Variants in LPCAT1 observed in about 807,000 individuals in gnomAD.
LPCAT1 encodes 1-acylglycerol-3-phosphate O-acyltransferase.
LPCAT1 carries 23 observed loss-of-function variants against 60.9 expected under a neutral mutation model. The observed-to-expected ratio is 0.38, with a 90% confidence interval of 0.27 to 0.53. The LOEUF (loss-of-function observed/expected upper bound fraction) is 0.53. Ranked by LOEUF, LPCAT1 falls within the 20% of genes least tolerant of loss-of-function variation. LPCAT1 has a pLI of 0.82. For missense variants in LPCAT1, 622 were observed against 723.6 expected, an observed-to-expected ratio of 0.86 and a Z score of 1.61; for synonymous variants, 340 against 301.1, an observed-to-expected ratio of 1.13 and a Z score of -1.34.
intron 11 of LPCAT1, among the ~76,000 whole-genome samples, chr5:1,472,775 T>C (rs534817920): frequency 4.6e-5 from 7 of 152,090 alleles, no homozygotes; most frequent in Middle Eastern, 3.4e-3. Flanking sequence ...AGCTGCCTCG[T>C]AGTAGAGGGC....
intron 1 of LPCAT1, 113 bp from the exon 2 acceptor site, chr5:1,501,716 G>A: frequency 9.1e-7 from 1 of 1,100,056 alleles, no homozygotes; most frequent in Non-Finnish European, 1.3e-6. Flanking sequence ...GGAGAGCTGG[G>A]GAGGGGCTGC....
Position 1,501,485 on chromosome 5 carries a change from T to C in LPCAT1, c.254A>G (p.Glu85Gly), listed in dbSNP as rs1736004351. The C allele has an allele frequency of 1.2e-6, 2 of 1,613,208 alleles. No homozygotes were observed. The highest frequency in any genetic ancestry group is 4.5e-5 in the East Asian group (2 of 44,880). The change falls in exon 2 of 14, where the codon GAG (glutamate) becomes GGG (glycine). Residue 85 changes from glutamate (E) to glycine (G), a missense_variant. Physicochemically the swap from Glu to Gly is moderately conservative, Grantham distance 98 (BLOSUM62 -2). Around this residue, in one of 3 missense-constraint regions of LPCAT1, gnomAD observed 125 missense variants for 114.5 expected, o/e 1.09. Coordinates refer to ENST00000283415, the MANE Select transcript of LPCAT1 (RefSeq NM_024830.5). ...ASLGSAEKEP[E>G]QPPALWRKVV... ...CTTCCTCCACAGGGCCGGGGGCTGC[T>C]CGGGTTCCTTCTCCGCAGAGCCCAG...
At chr5:1,468,345 G>A (rs559462552) in intron 12 of LPCAT1, among the ~76,000 whole-genome samples, 64 of 152,360 alleles carry the variant, frequency 4.2e-4, no homozygotes, top group African/African-American at 1.5e-3. Flanking sequence ...CGTTGGTGCT[G>A]CTGGAGCCTC....
chr5:1,494,835 G>A lies in LPCAT1; in HGVS notation c.358C>T (p.Arg120Trp), dbSNP rs747860604. The A allele has an allele frequency of 5.0e-6, 8 of 1,613,580 alleles. No individual in the cohort carries two copies. In the Admixed American group the frequency reaches 5.0e-5, roughly 10 times the overall value. Residue 120 changes from arginine to tryptophan, a missense_variant, in exon 3 of 14, where the codon CGG becomes TGG. By Grantham distance (101) the Arg-to-Trp change is moderately radical. This residue lies in a region of LPCAT1 where 209 missense variants were observed against 325.5 expected (regional missense o/e 0.64). Transcript: ENST00000283415. ...GCCGCCTCGGTGGGCAGCGCCTGCC[G>A]CCCCTTCACGGCCACCCGGTGGAAG... ...GGFHRVAVKG[R>W]QALPTEAAIL...
rs1332969129 is a variant in LPCAT1 at position 1,483,776 on chromosome 5, T to C, written c.668-290A>G. Among the ~76,000 whole-genome samples, 1 of 150,496 alleles carries C rather than the reference T, an allele frequency of 6.6e-6. No homozygotes were observed. Among genetic ancestry groups the C allele is most frequent in the African/African-American group, 2.5e-5 (1 of 40,774 alleles). On this transcript the variant is annotated intron_variant, in intron 5 of 13. Coordinates refer to ENST00000283415, the MANE Select transcript of LPCAT1 (RefSeq NM_024830.5). The surrounding 1 kb of genome is among the most constrained non-coding windows in gnomAD (Gnocchi z 9.2). ...GGCGTCTGTGGAGGGACACTTGCTA[T>C]TATAACATTGCGCACGAGCTGGAAG...
Position 1,504,326 on chromosome 5 carries a change from C to T in LPCAT1, c.136-2723G>A, listed in dbSNP as rs553984300. Among the ~76,000 whole-genome samples the T allele has an allele frequency of 1.3e-4, 20 of 152,352 alleles. No individual in the cohort carries two copies. In the South Asian group the frequency reaches 3.9e-3, roughly 30 times the overall value. The stretch of plus-strand genomic sequence containing the variant: ...TGGAGGAGAGCGCAGCGGAGGAGAC[C>T]GTAGCCTCGGCCTTCAGCCCACCTG... On this transcript the variant is annotated intron_variant, in intron 1 of 13. Transcript: ENST00000283415.
rs955909887 is a variant in LPCAT1 at position 1,523,114 on chromosome 5, C to T, written c.135+596G>A. On this transcript the variant is annotated intron_variant, in intron 1 of 13. Coordinates refer to ENST00000283415, the MANE Select transcript of LPCAT1 (RefSeq NM_024830.5). The surrounding 1 kb of genome is among the most constrained non-coding windows in gnomAD (Gnocchi z 7.1). ...ACGTGCGGCCGCAGAGCAGGGAGAC[C>T]CGTGCGCCTACAGGGGACCCTACAG... Among the ~76,000 whole-genome samples the T allele has an allele frequency of 6.6e-5, 10 of 152,256 alleles. No individual in the cohort carries two copies. Among genetic ancestry groups the T allele is most frequent in the African/African-American group, 2.4e-4 (10 of 41,470 alleles).
At position 1,464,850 on chromosome 5, in the gene LPCAT1, GCA is replaced by G. The variant is rs375945953; in HGVS notation, c.1421-1017_1421-1016del. Among the ~76,000 whole-genome samples, 1,162 of 145,020 alleles carry G rather than the reference GCA, an allele frequency of 8.0e-3. 13 individuals are homozygous for G. The highest frequency in any genetic ancestry group is 0.027 in the African/African-American group (1,046 of 38,568). On this transcript the variant is annotated intron_variant, in intron 13 of 13. Coordinates refer to ENST00000283415, the MANE Select transcript of LPCAT1 (RefSeq NM_024830.5). ...CACATGCACGTACACACAAGTGTGT[GCA>G]CACACAGTAAACACATGCGTGTACA...
At chr5:1,516,036 G>T (rs1736497100) in intron 1 of LPCAT1, among the ~76,000 whole-genome samples, 1 of 152,270 alleles carries the variant, frequency 6.6e-6, no homozygotes, top group Non-Finnish European at 1.5e-5. Context: ...AGTGCAGGGA[G>T]GTACAGAGGT....
At chr5:1,478,988 G>A (rs1301985165) in intron 8 of LPCAT1, among the ~76,000 whole-genome samples, 2 of 152,204 alleles carry the variant, frequency 1.3e-5, no homozygotes, top group Admixed American at 1.3e-4. Context: ...GACAAACTCA[G>A]CGGTATTAAA....
At chr5:1,486,301 C>T (rs1349907859) in intron 5 of LPCAT1, among the ~76,000 whole-genome samples, 1 of 152,136 alleles carries the variant, frequency 6.6e-6, no homozygotes, top group Non-Finnish European at 1.5e-5. Flanking sequence ...TGGCCTGGGT[C>T]AGAACAGGGG....
intron 1 of LPCAT1, among the ~76,000 whole-genome samples, chr5:1,503,395 G>A (rs917006106): frequency 2.6e-5 from 4 of 152,246 alleles, no homozygotes; most frequent in Non-Finnish European, 4.4e-5. Context: ...ATGAACGGGT[G>A]CTGAGCTTTA....
At chr5:1,465,534 A>G (rs1170463246) in intron 13 of LPCAT1, among the ~76,000 whole-genome samples, 1 of 151,376 alleles carries the variant, frequency 6.6e-6, no homozygotes, top group Non-Finnish European at 1.5e-5. Flanking sequence ...AAACAAGCAC[A>G]CGCACACAGC....
chr5:1,466,754 G>A lies in LPCAT1; in HGVS notation c.1415C>T (p.Thr472Ile), dbSNP rs757618527. 3 of 1,611,474 alleles carry A rather than the reference G, an allele frequency of 1.9e-6. No individual in the cohort carries two copies. The East Asian group carries it at 6.7e-5, about 36-fold the overall frequency. ...AIDQEEKGKITFADFHRFAEM... is the reference protein window; with the variant it reads ...AIDQEEKGKIIFADFHRFAEM... Reference sequence around the variant, plus strand: ...CCCCACTCCTGCGGGCTCACCGAATGTGATCTTCCCCTTCTCCTCTTGGTC... The same window carrying A: ...CCCCACTCCTGCGGGCTCACCGAATATGATCTTCCCCTTCTCCTCTTGGTC... The change falls in exon 13 of 14, where the codon ACA (threonine) becomes ATA (isoleucine). Residue 472 changes from threonine (T) to isoleucine (I), a missense_variant. Coordinates refer to ENST00000283415, the MANE Select transcript of LPCAT1 (RefSeq NM_024830.5).
At chr5:1,465,018 AAAC>A (rs908937535) in intron 13 of LPCAT1, among the ~76,000 whole-genome samples, 18 of 139,758 alleles carry the variant, frequency 1.3e-4, no homozygotes, top group South Asian at 2.4e-4. Flanking sequence ...CACACACACA[AAAC>A]AAGCGCAGGC....
At position 1,479,623 on chromosome 5, in the gene LPCAT1, C is replaced by T. The variant is rs1735053251; in HGVS notation, c.814G>A (p.Glu272Lys). The change falls in exon 8 of 14, where the codon GAG (glutamate) becomes AAG (lysine). Residue 272 changes from glutamate (E) to lysine (K), a missense_variant and splice_region_variant. Around this residue, in one of 3 missense-constraint regions of LPCAT1, gnomAD observed 209 missense variants for 325.5 expected, o/e 0.64. Transcript: ENST00000283415. The stretch of plus-strand genomic sequence containing the variant: ...TGTAACTCTGTATCCATACGAACCT[C>T]GATTTCCACTTGGTTGTGAAACTGA... Reference protein sequence around the residue: ...LCQFHNQVEIEFLPVYSPSEE... With the variant: ...LCQFHNQVEIKFLPVYSPSEE... 1 of 1,608,316 alleles carries T rather than the reference C, an allele frequency of 6.2e-7. No homozygotes were observed. Among genetic ancestry groups the T allele is most frequent in the Non-Finnish European group, 8.5e-7 (1 of 1,174,650 alleles).
At position 1,476,985 on chromosome 5, in the gene LPCAT1, T is replaced by C. The variant is rs1300168431; in HGVS notation, c.899+419A>G. The stretch of plus-strand genomic sequence containing the variant: ...ACAAGTCACCTTACAAGATTAAATG[T>C]GCAACCACCACTCCACTCTGCCAGA... On this transcript the variant is annotated intron_variant, in intron 9 of 13. Transcript: ENST00000283415. The surrounding 1 kb of genome is among the most constrained non-coding windows in gnomAD (Gnocchi z 8.6). Among the ~76,000 whole-genome samples the C allele has an allele frequency of 6.6e-6, 1 of 152,190 alleles. No individual in the cohort carries two copies. Among genetic ancestry groups the C allele is most frequent in the African/African-American group, 2.4e-5 (1 of 41,432 alleles).
intron 12 of LPCAT1, chr5:1,467,092 T>G (rs981044175): frequency 4.6e-6 from 2 of 439,044 alleles, no homozygotes; most frequent in Non-Finnish European, 3.8e-6. Context: ...CCCCTCCAGG[T>G]GCCTCGTGGA....
rs1456453788 is a variant in LPCAT1 at position 1,487,405 on chromosome 5, G to C, written c.667+986C>G. On this transcript the variant is annotated intron_variant, in intron 5 of 13. Coordinates refer to ENST00000283415, the MANE Select transcript of LPCAT1 (RefSeq NM_024830.5). The surrounding 1 kb of genome is among the most constrained non-coding windows in gnomAD (Gnocchi z 6.1). ...GGGAAGACCCAGTACCTTCCAGTGA[G>C]CTGCACCTTGAAGCCTCTGGAAGCA... Among the ~76,000 whole-genome samples, 1 of 152,210 alleles carries C rather than the reference G, an allele frequency of 6.6e-6. No homozygotes were observed. The highest frequency in any genetic ancestry group is 1.9e-4 in the East Asian group (1 of 5,196).
Sources: gnomAD v4.1 joint callset for allele counts (sites outside exome capture counted in the v4.1 genomes callset) on GRCh38, gnomAD v4.1.1 for gene constraint, gnomAD v4.1.1 regional missense constraint, Gnocchi (gnomAD v3.1) non-coding constraint, MANE v1.5 for transcripts, NCBI Gene and HGNC (gene_info 2026-07-23, HGNC 2026-07-21) for gene names.